MXRA7: variants seen among roughly 807,000 people sequenced by gnomAD.
MXRA7 encodes the protein matrix remodeling associated 7.
In MXRA7, 18 loss-of-function variants were observed where a neutral mutation model predicts 17.4. The ratio of observed to expected loss-of-function variants is 1.03; its 90% CI spans 0.71 to 1.53. The LOEUF (loss-of-function observed/expected upper bound fraction) is 1.53, where lower values mean the gene tolerates loss of function less well. Among genes scored for constraint, MXRA7 ranks in the 40% most tolerant of loss-of-function variants. The probability of loss-of-function intolerance (pLI) is 0.00; values close to 1 mark genes in which losing one functional copy is unlikely to be tolerated. For synonymous variants in MXRA7, 70 were observed against 101.7 expected (o/e 0.69, Z 1.87); for missense variants, 141 against 209.3 (o/e 0.67, Z 2.01).
intron 1 of MXRA7, among the ~76,000 whole-genome samples, chr17:76,704,763 A>G (rs563537818): frequency 3.1e-4 from 45 of 147,514 alleles, no homozygotes; most frequent in African/African-American, 1.1e-3. Context: ...CCTGGGCGAC[A>G]AGAGCAAAAC....
chr17:76,674,105 T>G (rs539647236), exon 4 of MXRA7: 5 of 152,338 alleles, frequency 3.3e-5, no homozygotes, highest in African/African-American at 1.2e-4. Flanking sequence ...TCTGTGCAGC[T>G]GAATGCTTTA....
intron 1 of MXRA7, among the ~76,000 whole-genome samples, chr17:76,697,916 G>A (rs914627665): frequency 6.6e-6 from 1 of 151,418 alleles, no homozygotes; most frequent in Non-Finnish European, 1.5e-5. Context: ...GGAGAGAAGA[G>A]AGGGATAGAT....
rs764038020 is a variant in MXRA7, at chr17:76,683,772, G to A, written c.500+1300C>T. ...CGATGGAGGAGGGGAGGTTGAGGCC[G>A]CGTCAGTTGTTTGGGGGCACGTTAG... is the stretch of plus-strand genomic sequence containing the variant. On this transcript the variant is annotated intron_variant, in intron 3 of 3. Transcript: ENST00000449428. The A allele has an allele frequency of 3.2e-5, 33 of 1,045,096 alleles. No homozygotes were observed. The East Asian group carries it at 3.3e-4, about 11-fold the overall frequency. The allele number at this position is 1,045,096 out of a possible 1,614,324, so 64.7% of individuals were successfully genotyped here.
intron 1 of MXRA7, among the ~76,000 whole-genome samples, chr17:76,704,834 T>A (rs2076638746): frequency 6.7e-6 from 1 of 149,578 alleles, no homozygotes. Flanking sequence ...TGAGGTCCCC[T>A]TAGAGAAGGG....
At chr17:76,672,556 A>G (rs1477559493) in exon 4 of MXRA7, 1 of 152,176 alleles carries the variant, frequency 6.6e-6, no homozygotes. Flanking sequence ...AAATATGAAA[A>G]CAGCATACGC....
chr17:76,703,137 C>CT (rs2076615309), intron 1 of MXRA7, among the ~76,000 whole-genome samples: 1 of 151,874 alleles, frequency 6.6e-6, no homozygotes, highest in African/African-American at 2.4e-5. Context: ...ATCTCAGACT[C>CT]TGAGTCCTCA....
intron 1 of MXRA7, among the ~76,000 whole-genome samples, chr17:76,700,921 G>A (rs956804733): frequency 6.6e-6 from 1 of 152,070 alleles, no homozygotes; most frequent in African/African-American, 2.4e-5. Context: ...GGCAGGGAGG[G>A]GTGTGCTGGG....
chr17:76,688,409 C>A, intron 1 of MXRA7: 1 of 1,398,094 alleles, frequency 7.2e-7, no homozygotes, highest in Non-Finnish European at 9.3e-7. Context: ...CTTGACTGTG[C>A]ACCCCAAGCC....
rs1458928188 is a variant in MXRA7, at chr17:76,680,394, A to G, written c.*473T>C. On this transcript the variant is annotated 3_prime_UTR_variant, in exon 4 of 4. Coordinates refer to ENST00000449428, the MANE Select transcript of MXRA7 (RefSeq NM_198530.4). ...GGAAAGGGGTCGGCTGACCACCCTG[A>G]CGGAGCTGGTGAGCACAGGTGAGCT... The G allele has an allele frequency of 9.1e-6, 9 of 985,798 alleles. No individual in the cohort carries two copies. The East Asian group carries it at 9.0e-4, about 99-fold the overall frequency. 61.1% of individuals were successfully genotyped at this position (985,798 alleles called of 1,614,324 possible).
chr17:76,710,359 C>CA (rs1323869658), intron 1 of MXRA7, among the ~76,000 whole-genome samples: 1 of 152,180 alleles, frequency 6.6e-6, no homozygotes, highest in Non-Finnish European at 1.5e-5. Flanking sequence ...GAGGGGAGAG[C>CA]AAAACACCTC....
intron 1 of MXRA7, among the ~76,000 whole-genome samples, chr17:76,691,940 C>T (rs1337807621): frequency 6.6e-6 from 1 of 152,144 alleles, no homozygotes; most frequent in East Asian, 1.9e-4. Flanking sequence ...GAAAGACAAA[C>T]AAATAATTGC....
intron 1 of MXRA7, among the ~76,000 whole-genome samples, chr17:76,696,772 T>C (rs1342237181): frequency 6.6e-6 from 1 of 152,078 alleles, no homozygotes; most frequent in Non-Finnish European, 1.5e-5. Context: ...TCCGTGAAGG[T>C]GCGGCCAGCC....
downstream of MXRA7, among the ~76,000 whole-genome samples, chr17:76,678,230 T>C (rs1361270239): frequency 6.6e-6 from 1 of 152,140 alleles, no homozygotes; most frequent in Admixed American, 6.6e-5. Context: ...CCTGTGGGGT[T>C]TCACTGGCCA....
rs3078394 is a variant in MXRA7 at position 76,698,712 on chromosome 17, GTTTTTTTTTTTTTTTT to G, written c.343-10552_343-10537del. On this transcript the variant is annotated intron_variant, in intron 1 of 3. Coordinates refer to ENST00000449428, the MANE Select transcript of MXRA7 (RefSeq NM_198530.4). ...TTCCAACCTGACTTCCTTCCTTTCT[GTTTTTTTTTTTTTTTT>G]TTTTTTTTTTTGAGATAAGAGTCTT... Among the ~76,000 whole-genome samples, 9 of 54,884 alleles carry G rather than the reference GTTTTTTTTTTTTTTTT, an allele frequency of 1.6e-4. 1 individual carries two copies. In the Admixed American group the frequency reaches 1.9e-3, roughly 12 times the overall value. The allele number at this position is 54,884 out of a possible 152,430, so 36.0% of individuals were successfully genotyped here. A position where few individuals can be genotyped will look rare whatever the true frequency, so the allele number is the denominator to read the frequency against.
chr17:76,694,419 T>C (rs1454658191), intron 1 of MXRA7, among the ~76,000 whole-genome samples: 1 of 152,100 alleles, frequency 6.6e-6, no homozygotes, highest in Admixed American at 6.6e-5. Flanking sequence ...AAGTCAAGGG[T>C]TGGATAGCCA....
At chr17:76,677,669 C>A (rs138240561), downstream of MXRA7, 73 of 1,613,992 alleles carry the variant, frequency 4.5e-5, no homozygotes, top group African/African-American at 7.6e-4. Flanking sequence ...CTTTCATGAG[C>A]TTGAAGATGG....
At chr17:76,700,251 C>T (rs1344392445) in intron 1 of MXRA7, among the ~76,000 whole-genome samples, 2 of 152,122 alleles carry the variant, frequency 1.3e-5, no homozygotes, top group African/African-American at 2.4e-5. Flanking sequence ...GGATTACAGG[C>T]GTGAGCCACC....
At chr17:76,697,700 C>G (rs955349001) in intron 1 of MXRA7, among the ~76,000 whole-genome samples, 1 of 152,198 alleles carries the variant, frequency 6.6e-6, no homozygotes, top group African/African-American at 2.4e-5. Context: ...TGCCTCCTGA[C>G]AGCCTCCCCA....
At chr17:76,695,500 G>A (rs538295332) in intron 1 of MXRA7, among the ~76,000 whole-genome samples, 19 of 152,264 alleles carry the variant, frequency 1.2e-4, no homozygotes, top group African/African-American at 3.6e-4. Context: ...CTCATAGCAC[G>A]CCCATCTTTC....
Sources: gnomAD v4.1 joint callset for allele counts (sites outside exome capture counted in the v4.1 genomes callset) on GRCh38, gnomAD v4.1.1 for gene constraint, MANE v1.5 for transcripts, NCBI Gene and HGNC (gene_info 2026-07-23, HGNC 2026-07-21) for gene names.